The following COLEC11 variants were observed in gnomAD, a reference collection of about 807,000 sequenced individuals.
COLEC11 encodes collectin-11.
A neutral mutation model predicts 27.3 loss-of-function variants in COLEC11; 20 were observed. The ratio of observed to expected loss-of-function variants is 0.73; its 90% CI spans 0.51 to 1.06. The LOEUF (loss-of-function observed/expected upper bound fraction) is 1.06, where lower values mean the gene tolerates loss of function less well. COLEC11 is among the 50% of genes least tolerant of loss of function. The probability of loss-of-function intolerance (pLI) is 0.00; values close to 1 mark genes in which losing one functional copy is unlikely to be tolerated. For missense variants in COLEC11, 310 were observed against 383.0 expected (o/e 0.81, Z 1.59); for synonymous variants, 163 against 154.7 (o/e 1.05, Z -0.40).
intron 1 of COLEC11, among the ~76,000 whole-genome samples, chr2:3,597,362 TC>T (rs112949538): frequency 2.2e-4 from 28 of 125,532 alleles, no homozygotes; most frequent in African/African-American, 8.3e-4. Context: ...GCATGAGAAA[TC>T]CCACCTGGGC....
At chr2:3,604,715 A>G (rs1045931754) in intron 2 of COLEC11, among the ~76,000 whole-genome samples, 3 of 151,914 alleles carry the variant, frequency 2.0e-5, no homozygotes, top group African/African-American at 7.3e-5. Context: ...CTCCGGGGGG[A>G]CCTTGCTGGA....
intron 1 of COLEC11, among the ~76,000 whole-genome samples, chr2:3,603,086 A>G (rs1168264625): frequency 6.6e-6 from 1 of 152,248 alleles, no homozygotes. Context: ...AGTATCCGGA[A>G]GCATGGCCTT....
intron 3 of COLEC11, among the ~76,000 whole-genome samples, chr2:3,624,864 T>A (rs748850030): frequency 6.6e-6 from 1 of 152,224 alleles, no homozygotes; most frequent in Non-Finnish European, 1.5e-5. Flanking sequence ...CATGTGTGCA[T>A]GTCTTGTCTT....
At chr2:3,614,669 G>A (rs1332371159) in intron 3 of COLEC11, among the ~76,000 whole-genome samples, 2 of 151,882 alleles carry the variant, frequency 1.3e-5, no homozygotes, top group African/African-American at 4.8e-5. Flanking sequence ...GACCAATAAG[G>A]GTGCTCAGAG....
chr2:3,613,279 G>A (rs17017752), intron 2 of COLEC11, 32 bp from the exon 3 acceptor site: 54,188 of 1,593,984 alleles, frequency 0.034, 1,421 homozygotes, highest in African/African-American at 0.14. Context: ...CTGGCCAGAC[G>A]AGCTGCTAAA....
At chr2:3,615,945 GCTC>G (rs200928304) in intron 3 of COLEC11, among the ~76,000 whole-genome samples, 86,468 of 149,648 alleles carry the variant, frequency 0.58, 27,490 homozygotes, top group South Asian at 0.75. Flanking sequence ...GGGTGGAGAT[GCTC>G]CTCACTTCCC....
At chr2:3,619,822 C>T (rs1330429487) in intron 3 of COLEC11, among the ~76,000 whole-genome samples, 1 of 152,194 alleles carries the variant, frequency 6.6e-6, no homozygotes, top group East Asian at 1.9e-4. Flanking sequence ...GATGAGGTTT[C>T]ACCATGTTGG....
chr2:3,636,146 C>T (rs182634977), intron 3 of COLEC11, among the ~76,000 whole-genome samples: 29 of 152,302 alleles, frequency 1.9e-4, no homozygotes, highest in African/African-American at 6.7e-4. Context: ...GTGTTATCTG[C>T]GTGCGATAGA....
intron 2 of COLEC11, chr2:3,605,999 A>T (rs1572394565): frequency 1.9e-5 from 28 of 1,449,426 alleles, no homozygotes; most frequent in African/African-American, 1.3e-4. Flanking sequence ...TGCTTTAGAA[A>T]ATGTTTAATT....
intron 1 of COLEC11, 146 bp from the exon 2 acceptor site, chr2:3,604,169 G>A: frequency 1.2e-6 from 1 of 812,034 alleles, no homozygotes. Flanking sequence ...TGGTGCTTGA[G>A]TGAGTGAGGA....
rs1197051365 is a variant in COLEC11 at position 3,615,692 on chromosome 2, C to T, written c.202+2310C>T. ...GGGGTGGCGGCCGGGCAGAGGGGCT[C>T]CTCACTTCCCAGAAGGGGGCGGCTG... On this transcript the variant is annotated intron_variant, in intron 3 of 6. Coordinates refer to ENST00000349077, the MANE Select transcript of COLEC11 (RefSeq NM_024027.5). Among the ~76,000 whole-genome samples the T allele has an allele frequency of 2.0e-5, 3 of 152,198 alleles. No homozygotes were observed. In the East Asian group the frequency reaches 5.8e-4, roughly 29 times the overall value.
At chr2:3,623,947 TG>T (rs936835571) in intron 3 of COLEC11, among the ~76,000 whole-genome samples, 32 of 152,374 alleles carry the variant, frequency 2.1e-4, no homozygotes, top group Admixed American at 1.5e-3. Context: ...CTAGTCTTTA[TG>T]GACTTTTTTT....
rs774810897 is a variant in COLEC11 at position 3,613,312 on chromosome 2, G to A, written c.132G>A (p.Gly44=). ...AAATGGATGTGACTTCTTCCACAGG[G>A]GATGCGGGAGAGAAGGGAGACAAAG... is the stretch of plus-strand genomic sequence containing the variant. ...SVQILVPGLK[G]DAGEKGDKGA... Residue 44 remains glycine, a splice_region_variant and synonymous_variant, in exon 3 of 7, where the codon GGG becomes GGA. Coordinates refer to ENST00000349077, the MANE Select transcript of COLEC11 (RefSeq NM_024027.5). The A allele has an allele frequency of 3.7e-6, 6 of 1,609,562 alleles. No individual in the cohort carries two copies. The highest frequency in any genetic ancestry group is 5.1e-6 in the Non-Finnish European group (6 of 1,178,138).
intron 3 of COLEC11, chr2:3,617,646 A>T (rs1331259424): frequency 1.2e-6 from 2 of 1,611,952 alleles, no homozygotes; most frequent in African/African-American, 2.7e-5. Context: ...GACTTATCGA[A>T]TTTCTCGATC....
chr2:3,633,848 A>G (rs190502838), intron 3 of COLEC11, among the ~76,000 whole-genome samples: 1 of 152,144 alleles, frequency 6.6e-6, no homozygotes, highest in Admixed American at 6.5e-5. Flanking sequence ...TGCGGTGGAG[A>G]GCTGGGTACA....
intron 5 of COLEC11, among the ~76,000 whole-genome samples, chr2:3,642,586 C>T (rs1485218559): frequency 6.6e-6 from 1 of 152,218 alleles, no homozygotes; most frequent in Non-Finnish European, 1.5e-5. Flanking sequence ...AAAACGACTG[C>T]AAAGCCGCAG....
chr2:3,637,589 C>A lies in COLEC11; in HGVS notation c.259C>A (p.Pro87Thr), dbSNP rs1665522341. The A allele has an allele frequency of 6.2e-7, 1 of 1,613,898 alleles. No homozygotes were observed. Among genetic ancestry groups the A allele is most frequent in the African/African-American group, 1.3e-5 (1 of 75,012 alleles). The change falls in exon 4 of 7, where the codon CCC becomes ACC. Residue 87 changes from proline to threonine, a missense_variant. Coordinates refer to ENST00000349077, the MANE Select transcript of COLEC11 (RefSeq NM_024027.5). ...TGTGGGTCGTCATGGAAAAATTGGT[C>A]CCATTGGCTCTAAAGGTATTTGCAA... Reference protein sequence around the residue: ...GSVGRHGKIGPIGSKGEKGDS... With the variant: ...GSVGRHGKIGTIGSKGEKGDS...
chr2:3,603,727 G>T (rs978769472), intron 1 of COLEC11: 1 of 1,495,032 alleles, frequency 6.7e-7, no homozygotes. Context: ...CTATGGGCTC[G>T]GCCCCCACCT....
At chr2:3,615,107 TC>T (rs1244880325) in intron 3 of COLEC11, among the ~76,000 whole-genome samples, 7 of 81,484 alleles carry the variant, frequency 8.6e-5, no homozygotes, top group African/African-American at 2.4e-4. Context: ...ATATTTTCTT[TC>T]TTTTTTTTTT....
Sources: gnomAD v4.1 joint callset for allele counts (sites outside exome capture counted in the v4.1 genomes callset) on GRCh38, gnomAD v4.1.1 for gene constraint, MANE v1.5 for transcripts, NCBI Gene and HGNC (gene_info 2026-07-23, HGNC 2026-07-21) for gene names.